Variants in ERBB4 observed in about 807,000 individuals in gnomAD.
ERBB4 encodes receptor tyrosine-protein kinase erbB-4.
A neutral mutation model predicts 158.0 loss-of-function variants in ERBB4; 42 were observed. The ratio of observed to expected loss-of-function variants is 0.27; its 90% CI spans 0.21 to 0.34. The LOEUF (loss-of-function observed/expected upper bound fraction) is 0.34, where lower values mean the gene tolerates loss of function less well. Ranked by LOEUF, ERBB4 falls within the 10% of genes least tolerant of loss-of-function variation. The pLI is 1.00. For missense variants in ERBB4, 1,333 were observed against 1,624.1 expected (o/e 0.82, Z 3.08); for synonymous variants, 583 against 558.7 (o/e 1.04, Z -0.61).
At chr2:211,678,916 G>A (rs1247261267) in intron 13 of ERBB4, 136 bp downstream of exon 13, 20 of 784,038 alleles carry the variant, frequency 2.6e-5, no homozygotes, top group Middle Eastern at 8.3e-4. Flanking sequence ...GCAGTGAGCC[G>A]AGATCGTGCC....
At chr2:212,466,549 C>A (rs1688845672) in intron 1 of ERBB4, among the ~76,000 whole-genome samples, 1 of 152,182 alleles carries the variant, frequency 6.6e-6, no homozygotes, top group Non-Finnish European at 1.5e-5. Context: ...GCTCTCTTAG[C>A]CTGCTGCCAT....
At chr2:211,615,446 C>A (rs536932928) in intron 19 of ERBB4, among the ~76,000 whole-genome samples, 13 of 151,884 alleles carry the variant, frequency 8.6e-5, no homozygotes, top group African/African-American at 3.1e-4. Flanking sequence ...TATGAAGGTG[C>A]GCCTTTAGAG....
At chr2:212,056,707 C>A (rs1399456678) in intron 2 of ERBB4, among the ~76,000 whole-genome samples, 1 of 152,108 alleles carries the variant, frequency 6.6e-6, no homozygotes, top group Admixed American at 6.5e-5. Context: ...GAAATAAAGA[C>A]CTTTATAGAC....
chr2:212,419,739 T>G (rs1311469913), intron 1 of ERBB4, among the ~76,000 whole-genome samples: 2 of 151,902 alleles, frequency 1.3e-5, no homozygotes, highest in African/African-American at 4.8e-5. Flanking sequence ...TATTTTATGT[T>G]TAAGACATCT....
chr2:211,428,581 AT>A (rs922191769), intron 21 of ERBB4, 98 bp from the exon 22 acceptor site: 24 of 677,846 alleles, frequency 3.5e-5, no homozygotes, highest in Admixed American at 8.2e-5. Context: ...CCTTAATCAT[AT>A]TTTTTTATTA....
At chr2:211,752,491 GA>G (rs369728330) in intron 4 of ERBB4, among the ~76,000 whole-genome samples, 6,700 of 119,406 alleles carry the variant, frequency 0.056, 435 homozygotes, top group African/African-American at 0.18. Flanking sequence ...TACCTAACTG[GA>G]AAAAAAAAAA....
At chr2:212,236,513 A>G (rs563590785) in intron 1 of ERBB4, among the ~76,000 whole-genome samples, 6 of 152,032 alleles carry the variant, frequency 3.9e-5, no homozygotes, top group African/African-American at 1.4e-4. Context: ...CTCTTTTTCG[A>G]TTGTTTGGAA....
At chr2:212,253,134 A>T (rs1017484013) in intron 1 of ERBB4, among the ~76,000 whole-genome samples, 1 of 152,132 alleles carries the variant, frequency 6.6e-6, no homozygotes, top group Non-Finnish European at 1.5e-5. Context: ...AATAAACATC[A>T]TGAGTAGCAG....
intron 3 of ERBB4, among the ~76,000 whole-genome samples, chr2:211,825,949 CTT>C: frequency 6.7e-6 from 1 of 149,564 alleles, no homozygotes; most frequent in African/African-American, 2.4e-5. Flanking sequence ...GAAAAAATCT[CTT>C]AAGATTTTTC....
chr2:211,428,900 G>T (rs2063692342), intron 21 of ERBB4, among the ~76,000 whole-genome samples: 2 of 151,696 alleles, frequency 1.3e-5, no homozygotes, highest in African/African-American at 2.4e-5. Flanking sequence ...CATTTTTTTA[G>T]AGATGATCAT....
At chr2:211,615,768 C>G (rs774731608) in intron 19 of ERBB4, among the ~76,000 whole-genome samples, 1 of 152,032 alleles carries the variant, frequency 6.6e-6, no homozygotes. Context: ...TAAGTTGCCA[C>G]ATTTGTGTTA....
At chr2:211,429,004 G>T (rs2063694282) in intron 21 of ERBB4, among the ~76,000 whole-genome samples, 2 of 151,334 alleles carry the variant, frequency 1.3e-5, no homozygotes, top group South Asian at 4.2e-4. Flanking sequence ...GAGCCACCCT[G>T]CTTGGTCATA....
chr2:211,922,537 T>C (rs1434110840), intron 3 of ERBB4, among the ~76,000 whole-genome samples: 1 of 152,170 alleles, frequency 6.6e-6, no homozygotes, highest in Non-Finnish European at 1.5e-5. Flanking sequence ...CAAGGCACTG[T>C]TAAATAGTGG....
intron 1 of ERBB4, among the ~76,000 whole-genome samples, chr2:212,391,719 TA>T (rs2090873318): frequency 7.0e-6 from 1 of 142,218 alleles, no homozygotes; most frequent in Non-Finnish European, 1.5e-5. Flanking sequence ...TATTGACATA[TA>T]TATTATATAT....
chr2:211,463,013 G>A lies in ERBB4; in HGVS notation c.2488-31913C>T, dbSNP rs953114780. ...AACTCACCACAAATATTCCACTGCT[G>A]TATTGTAGTCCATAGTTAGAATGAG... On this transcript the variant is annotated intron_variant, in intron 20 of 27. Coordinates refer to ENST00000342788, the MANE Select transcript of ERBB4 (RefSeq NM_005235.3). Among the ~76,000 whole-genome samples the A allele has an allele frequency of 7.2e-5, 11 of 152,252 alleles. No homozygotes were observed. In the South Asian group the frequency reaches 1.0e-3, roughly 14 times the overall value.
chr2:211,413,456 A>G (rs1490102909), intron 25 of ERBB4, among the ~76,000 whole-genome samples: 1 of 152,070 alleles, frequency 6.6e-6, no homozygotes, highest in African/African-American at 2.4e-5. Flanking sequence ...ACAAACAAAT[A>G]AACAAAAACC....
intron 2 of ERBB4, among the ~76,000 whole-genome samples, chr2:212,027,423 T>C (rs1030014178): frequency 2.0e-5 from 3 of 152,106 alleles, no homozygotes; most frequent in Admixed American, 6.6e-5. Flanking sequence ...AGCTTAATTA[T>C]AGGTTTTCAC....
intron 12 of ERBB4, among the ~76,000 whole-genome samples, chr2:211,680,559 A>G (rs2072291614): frequency 6.6e-6 from 1 of 152,228 alleles, no homozygotes; most frequent in Admixed American, 6.5e-5. Flanking sequence ...AGTGTAATAT[A>G]AGCAGGGAAG....
At chr2:212,478,983 G>A (rs1689546740) in intron 1 of ERBB4, among the ~76,000 whole-genome samples, 1 of 152,078 alleles carries the variant, frequency 6.6e-6, no homozygotes, top group Non-Finnish European at 1.5e-5. Context: ...GCATTGCTAT[G>A]CTTTTGTTGT....
Sources: allele counts gnomAD v4.1 joint callset (sites outside exome capture counted in the v4.1 genomes callset), GRCh38; gene constraint gnomAD v4.1.1; transcripts MANE v1.5; gene names NCBI Gene and HGNC (gene_info 2026-07-23, HGNC 2026-07-21).